TXNRD1: variants seen among roughly 807,000 people sequenced by gnomAD.
TXNRD1 encodes thioredoxin reductase 1.
A neutral mutation model predicts 80.3 loss-of-function variants in TXNRD1; 57 were observed. The ratio of observed to expected loss-of-function variants is 0.71; its 90% CI spans 0.57 to 0.89. The LOEUF is 0.89. Ranked by LOEUF, TXNRD1 falls within the 40% of genes least tolerant of loss-of-function variation. The probability of loss-of-function intolerance (pLI) is 0.00; values close to 1 mark genes in which losing one functional copy is unlikely to be tolerated. For synonymous variants in TXNRD1, 291 were observed against 285.2 expected, an observed-to-expected ratio of 1.02 and a Z score of -0.20; for missense variants, 730 against 803.0, an observed-to-expected ratio of 0.91 and a Z score of 1.10.
In TXNRD1 at chr12:104,318,987, G is replaced by A; in HGVS notation, c.805G>A (p.Ala269Thr). The A allele has an allele frequency of 6.2e-7, 1 of 1,613,918 alleles. No homozygotes were observed. Among genetic ancestry groups the A allele is most frequent in the Non-Finnish European group, 8.5e-7 (1 of 1,179,844 alleles). ...IGSLNWGYRV[A>T]LREKKVVYEN... Reference sequence around the variant, plus strand: ...CTCTTTGAATTGGGGCTACCGAGTAGCTCTGCGGGAGAAAAAAGTCGTCTA... The same window carrying A: ...CTCTTTGAATTGGGGCTACCGAGTAACTCTGCGGGAGAAAAAAGTCGTCTA... The change falls in exon 8 of 17, where the codon GCT (alanine) becomes ACT (threonine). Residue 269 changes from alanine to threonine, a missense_variant. Ala to Thr is a moderately conservative substitution (Grantham distance 58). Coordinates refer to ENST00000525566, the MANE Select transcript of TXNRD1 (RefSeq NM_001093771.3).
intron 2 of TXNRD1, among the ~76,000 whole-genome samples, chr12:104,253,162 T>C (rs1056679080): frequency 3.3e-5 from 5 of 152,232 alleles, no homozygotes; most frequent in Admixed American, 2.6e-4. Flanking sequence ...TGTTTCTCTC[T>C]CTCGTTCTGC....
intron 1 of TXNRD1, among the ~76,000 whole-genome samples, chr12:104,235,113 G>A (rs2032707894): frequency 6.6e-6 from 1 of 152,216 alleles, no homozygotes; most frequent in Admixed American, 6.5e-5. Flanking sequence ...ATTTACTTCT[G>A]CAGAAAGGTG....
At chr12:104,271,565 A>T (rs1020956485) in intron 3 of TXNRD1, among the ~76,000 whole-genome samples, 3 of 152,162 alleles carry the variant, frequency 2.0e-5, no homozygotes, top group Non-Finnish European at 2.9e-5. Context: ...CACAAAGTAC[A>T]TTCTCAAGGG....
intron 3 of TXNRD1, chr12:104,280,768 T>C (rs1354814982): frequency 6.6e-6 from 1 of 152,078 alleles, no homozygotes; most frequent in Admixed American, 6.6e-5. Flanking sequence ...CCACCGTTAG[T>C]CTCAAGATTG....
At chr12:104,294,357 C>T (rs558086673) in intron 4 of TXNRD1, among the ~76,000 whole-genome samples, 9 of 151,974 alleles carry the variant, frequency 5.9e-5, no homozygotes, top group African/African-American at 1.7e-4. Flanking sequence ...CTGGCATCAC[C>T]GCTAGACCAA....
chr12:104,251,130 G>A (rs1328301573), intron 1 of TXNRD1, among the ~76,000 whole-genome samples: 1 of 152,196 alleles, frequency 6.6e-6, no homozygotes, highest in African/African-American at 2.4e-5. Context: ...TGTAAGCAGG[G>A]TTGTGTTGGA....
rs1299592304 is a variant in TXNRD1 at position 104,349,557 on chromosome 12, T to G, written c.*1136T>G. 6.6e-6 allele frequency: 1 copy of G among 152,582 alleles called. No homozygotes were observed. Among genetic ancestry groups the G allele is most frequent in the Non-Finnish European group, 1.5e-5 (1 of 68,032 alleles). 9.5% of individuals were successfully genotyped at this position (152,582 alleles called of 1,614,324 possible). ...TGACTTTTTCTGTTGAATGAACAAC[T>G]GTGCCTTGTGGAATTTTTGCAGAAG... is the stretch of plus-strand genomic sequence containing the variant. On this transcript the variant is annotated 3_prime_UTR_variant, in exon 17 of 17. Transcript: ENST00000525566.
rs147666895 is a variant in TXNRD1, at chr12:104,299,715, C to T, written c.414+10675C>T. Among the ~76,000 whole-genome samples, 40 of 145,662 alleles carry T rather than the reference C, an allele frequency of 2.7e-4. No homozygotes were observed. In the East Asian group the frequency reaches 7.4e-3, roughly 27 times the overall value. On this transcript the variant is annotated intron_variant, in intron 4 of 16. Transcript: ENST00000525566. Reference sequence around the variant, plus strand: ...CCGGGGGGTGTAGGTTGCAGTGAGCCGAGATCGTGCCATTGCACTCCAGCC... The same window carrying T: ...CCGGGGGGTGTAGGTTGCAGTGAGCTGAGATCGTGCCATTGCACTCCAGCC...
At chr12:104,224,866 C>T (rs1486635809) in intron 1 of TXNRD1, 2 of 456,676 alleles carry the variant, frequency 4.4e-6, no homozygotes. Flanking sequence ...CTGCCCCTGA[C>T]TCACTGGAAT....
rs2036566505 is a variant in TXNRD1 at position 104,348,621 on chromosome 12, C to T, written c.*200C>T. 1.8e-6 allele frequency: 1 copy of T among 562,162 alleles called. No individual in the cohort carries two copies. Among genetic ancestry groups the T allele is most frequent in the Non-Finnish European group, 3.2e-6 (1 of 316,332 alleles). 34.8% of individuals were successfully genotyped at this position (562,162 alleles called of 1,614,324 possible). The stretch of plus-strand genomic sequence containing the variant: ...GGCAGCATCACACTGGGGTCACTGA[C>T]AGACTTGAAGCTGACATTTGGCAGG... On this transcript the variant is annotated 3_prime_UTR_variant, in exon 17 of 17. Transcript: ENST00000525566.
intron 3 of TXNRD1, among the ~76,000 whole-genome samples, chr12:104,284,695 A>G (rs1209756969): frequency 6.6e-6 from 1 of 152,164 alleles, no homozygotes; most frequent in Admixed American, 6.6e-5. Flanking sequence ...ATTATTAGGT[A>G]TTTGGGGGAC....
chr12:104,277,504 G>A (rs942306166), intron 3 of TXNRD1, among the ~76,000 whole-genome samples: 1 of 151,894 alleles, frequency 6.6e-6, no homozygotes, highest in East Asian at 1.9e-4. Context: ...TTGAGGCTGT[G>A]GTGAGCTATG....
intron 1 of TXNRD1, among the ~76,000 whole-genome samples, chr12:104,228,806 G>A (rs550070751): frequency 2.6e-5 from 4 of 151,414 alleles, no homozygotes; most frequent in South Asian, 2.1e-4. Context: ...TGCAACCTCC[G>A]CCTCCCGGGT....
At chr12:104,283,637 G>A (rs532343660) in intron 3 of TXNRD1, among the ~76,000 whole-genome samples, 4 of 152,046 alleles carry the variant, frequency 2.6e-5, no homozygotes, top group East Asian at 2.0e-4. Flanking sequence ...TTGGGAGGCC[G>A]AGGCAGGCGG....
At chr12:104,315,983 ATAGC>A in intron 7 of TXNRD1, 87 bp downstream of exon 7, 1 of 1,407,212 alleles carries the variant, frequency 7.1e-7, no homozygotes, top group Non-Finnish European at 9.6e-7. Context: ...TTTCATGAAG[ATAGC>A]AAATAGCCTA....
intron 3 of TXNRD1, among the ~76,000 whole-genome samples, chr12:104,277,967 C>T (rs1166321927): frequency 6.6e-6 from 1 of 151,322 alleles, no homozygotes; most frequent in Non-Finnish European, 1.5e-5. Flanking sequence ...ACCTCCGCCT[C>T]CCGGGTTCAC....
chr12:104,341,601 G>C (rs971432585), intron 16 of TXNRD1, among the ~76,000 whole-genome samples: 12 of 150,210 alleles, frequency 8.0e-5, no homozygotes, highest in African/African-American at 3.0e-4. Context: ...CCAGATTTGT[G>C]GGGGTTTTGC....
chr12:104,268,442 G>A (rs1348657556), intron 3 of TXNRD1, among the ~76,000 whole-genome samples: 2 of 151,630 alleles, frequency 1.3e-5, no homozygotes, highest in Admixed American at 6.5e-5. Flanking sequence ...GGAGAGTGGC[G>A]TGAACCCGAG....
chr12:104,339,779 A>T (rs1260742131), intron 16 of TXNRD1, among the ~76,000 whole-genome samples: 1 of 152,206 alleles, frequency 6.6e-6, no homozygotes, highest in Admixed American at 6.5e-5. Flanking sequence ...ATATTGTAAT[A>T]CTTAACTGCA....
Sources: allele counts gnomAD v4.1 joint callset (sites outside exome capture counted in the v4.1 genomes callset), GRCh38; gene constraint gnomAD v4.1.1; transcripts MANE v1.5; gene names NCBI Gene and HGNC (gene_info 2026-07-23, HGNC 2026-07-21).